The following CILK1 variants were observed in gnomAD, a reference collection of about 807,000 sequenced individuals.
CILK1 encodes serine/threonine-protein kinase ICK.
CILK1 carries 47 observed loss-of-function variants against 79.2 expected under a neutral mutation model. That is an observed-to-expected ratio of 0.59 (90% CI 0.47 to 0.76). The LOEUF (loss-of-function observed/expected upper bound fraction) is 0.76, where lower values mean the gene tolerates loss of function less well. Among genes scored for constraint, CILK1 ranks in the 30% least tolerant of loss-of-function variants. The pLI is 0.00. For missense variants in CILK1, 660 were observed against 769.5 expected (o/e 0.86, Z 1.68); for synonymous variants, 266 against 275.9 (o/e 0.96, Z 0.36).
chr6:53,054,983 T>A (rs1393347061), intron 1 of CILK1, among the ~76,000 whole-genome samples: 2 of 152,218 alleles, frequency 1.3e-5, no homozygotes, highest in Non-Finnish European at 2.9e-5. Context: ...ATCAATGAAT[T>A]AATGCCATCA....
At chr6:53,039,578 C>T (rs762714785) in intron 2 of CILK1, among the ~76,000 whole-genome samples, 3 of 152,090 alleles carry the variant, frequency 2.0e-5, no homozygotes, top group Non-Finnish European at 2.9e-5. Flanking sequence ...AGGCTGGGGA[C>T]CTTTTAAGGA....
intron 3 of CILK1, 135 bp from the exon 4 acceptor site, chr6:53,032,789 T>C: frequency 1.6e-6 from 1 of 631,932 alleles, no homozygotes; most frequent in South Asian, 2.1e-5. Flanking sequence ...AAATTATATT[T>C]TATTGACAGT....
At position 53,037,930 on chromosome 6, in the gene CILK1, A is replaced by T; in HGVS notation, c.156+9T>A. 1 of 1,450,478 alleles carries T rather than the reference A, an allele frequency of 6.9e-7. No individual in the cohort carries two copies. The highest frequency in any genetic ancestry group is 9.7e-7 in the Non-Finnish European group (1 of 1,031,358). The allele number at this position is 1,450,478 out of a possible 1,614,324, so 89.9% of individuals were successfully genotyped here. A position where few individuals can be genotyped will look rare whatever the true frequency, so the allele number is the denominator to read the frequency against. The stretch of plus-strand genomic sequence containing the variant: ...TCCATAAATTATTCCTTGGTATATT[A>T]ATATATACCTTAACCTCCCGAAGGT... On this transcript the variant is annotated intron_variant, in intron 3 of 13. Transcript: ENST00000676107.
intron 3 of CILK1, among the ~76,000 whole-genome samples, chr6:53,035,001 T>C (rs1766216411): frequency 6.6e-6 from 1 of 151,946 alleles, no homozygotes; most frequent in African/African-American, 2.4e-5. Flanking sequence ...TCAACCTAGT[T>C]TGGTTCTGAG....
At chr6:53,034,300 A>G (rs915538924) in intron 3 of CILK1, among the ~76,000 whole-genome samples, 6 of 152,238 alleles carry the variant, frequency 3.9e-5, no homozygotes, top group African/African-American at 7.2e-5. Flanking sequence ...ACTCTATGGC[A>G]GCTCACAGCT....
chr6:53,021,345 G>C (rs535961926), intron 5 of CILK1, among the ~76,000 whole-genome samples: 1 of 151,754 alleles, frequency 6.6e-6, no homozygotes, highest in Non-Finnish European at 1.5e-5. Flanking sequence ...GGGGGGGTTG[G>C]GGGGGTAAAT....
intron 5 of CILK1, among the ~76,000 whole-genome samples, chr6:53,027,680 T>C (rs1279486370): frequency 1.3e-5 from 2 of 152,152 alleles, no homozygotes; most frequent in African/African-American, 4.8e-5. Flanking sequence ...CAAAAACCAT[T>C]AGACAATTTC....
At chr6:53,043,336 T>TA (rs1581748250) in intron 1 of CILK1, among the ~76,000 whole-genome samples, 4 of 150,796 alleles carry the variant, frequency 2.7e-5, no homozygotes, top group East Asian at 1.9e-4. Context: ...ATATATATAT[T>TA]AAAAAATAAA....
intron 5 of CILK1, among the ~76,000 whole-genome samples, chr6:53,023,434 G>A (rs138361279): frequency 3.3e-4 from 51 of 152,258 alleles, no homozygotes; most frequent in Admixed American, 8.5e-4. Context: ...GGGTCAACTA[G>A]AGAGCAAACC....
intron 1 of CILK1, among the ~76,000 whole-genome samples, chr6:53,043,004 A>C (rs1213098768): frequency 6.6e-6 from 1 of 152,142 alleles, no homozygotes; most frequent in Non-Finnish European, 1.5e-5. Context: ...GTAAGTCTAA[A>C]ATTAGTTCAA....
chr6:53,027,873 C>T (rs539451665), intron 5 of CILK1, among the ~76,000 whole-genome samples: 307 of 151,872 alleles, frequency 2.0e-3, no homozygotes, highest in Non-Finnish European at 3.6e-3. Context: ...GGGCGCCGGG[C>T]ACAGTGGCTC....
At chr6:53,015,217 T>C (rs755990494) in intron 8 of CILK1, among the ~76,000 whole-genome samples, 1 of 152,248 alleles carries the variant, frequency 6.6e-6, no homozygotes, top group Non-Finnish European at 1.5e-5. Flanking sequence ...TATGATCCTC[T>C]GAGCAATGTA....
At chr6:53,035,750 C>T (rs868204230) in intron 3 of CILK1, among the ~76,000 whole-genome samples, 7 of 152,284 alleles carry the variant, frequency 4.6e-5, no homozygotes, top group South Asian at 2.1e-4. Context: ...ACATGAGAAA[C>T]GACAGTGATA....
rs1274419756 is a variant in CILK1, at chr6:53,004,676, TCAC to T, written c.*470_*472del. 1 of 159,704 alleles carries T rather than the reference TCAC, an allele frequency of 6.3e-6. No individual in the cohort carries two copies. The highest frequency in any genetic ancestry group is 1.4e-5 in the Non-Finnish European group (1 of 72,120). The allele number at this position is 159,704 out of a possible 1,614,324, so 9.9% of individuals were successfully genotyped here. ...TACCTAGTGAGCCACACTTGAAATTTCACCACTTCATAAATATCTGCACACACT... is the reference window on the plus strand; with the variant it reads ...TACCTAGTGAGCCACACTTGAAATTTCACTTCATAAATATCTGCACACACT... On this transcript the variant is annotated 3_prime_UTR_variant, in exon 14 of 14. Transcript: ENST00000676107.
chr6:53,005,344 C>T (rs781306269), intron 13 of CILK1, 41 bp from the exon 14 acceptor site: 8 of 1,606,444 alleles, frequency 5.0e-6, no homozygotes, highest in Non-Finnish European at 6.0e-6. Flanking sequence ...GATATGGGGC[C>T]AATGTAAGCA....
At chr6:53,037,026 T>C (rs1161596409) in intron 3 of CILK1, among the ~76,000 whole-genome samples, 3 of 152,156 alleles carry the variant, frequency 2.0e-5, no homozygotes, top group Non-Finnish European at 2.9e-5. Context: ...ACAGAAAACG[T>C]TTGCTGATCC....
At chr6:53,038,677 A>G (rs1420743201) in intron 2 of CILK1, among the ~76,000 whole-genome samples, 2 of 152,222 alleles carry the variant, frequency 1.3e-5, no homozygotes, top group Non-Finnish European at 2.9e-5. Context: ...TCCAGTTTCT[A>G]TAAGTGAAAT....
intron 12 of CILK1, among the ~76,000 whole-genome samples, chr6:53,007,116 C>A (rs1417718818): frequency 1.3e-5 from 2 of 152,044 alleles, no homozygotes; most frequent in Non-Finnish European, 2.9e-5. Flanking sequence ...GAATATAATT[C>A]TTATTATTTA....
In CILK1 at chr6:53,037,949, C is replaced by T. The variant is rs1174096796; in HGVS notation, c.146G>A (p.Arg49Gln). The stretch of plus-strand genomic sequence containing the variant: ...TATATTAATATATACCTTAACCTCC[C>T]GAAGGTTCATGCATTCCTCCCAGGA... ...FYSWEECMNL[R>Q]EVKSLKKLNH... is the part of the protein sequence containing the mutation. The change falls in exon 3 of 14, where the codon CGG (arginine) becomes CAG (glutamine). Residue 49 changes from arginine to glutamine, a missense_variant. Physicochemically the swap from Arg to Gln is conservative, Grantham distance 43. Transcript: ENST00000676107. 1.9e-6 allele frequency: 3 copies of T among 1,584,542 alleles called. No homozygotes were observed. The highest frequency in any genetic ancestry group is 2.6e-6 in the Non-Finnish European group (3 of 1,153,368).
Sources: gnomAD v4.1 joint callset for allele counts (sites outside exome capture counted in the v4.1 genomes callset) on GRCh38, gnomAD v4.1.1 for gene constraint, MANE v1.5 for transcripts, NCBI Gene and HGNC (gene_info 2026-07-23, HGNC 2026-07-21) for gene names.